WWOX: variants seen among roughly 807,000 people sequenced by gnomAD.
The protein encoded by WWOX is WW domain containing oxidoreductase, also known as WW domain-containing oxidoreductase.
Under a neutral mutation model 46.2 loss-of-function variants are expected in WWOX, and 69 were observed. That is an observed-to-expected ratio of 1.49 (90% CI 1.23 to 1.82). The LOEUF (loss-of-function observed/expected upper bound fraction) is 1.82. WWOX is among the 40% of genes most tolerant of loss of function. WWOX has a pLI of 0.00. For missense variants in WWOX, 919 were observed against 542.6 expected (o/e 1.69, Z -6.89); for synonymous variants, 359 against 202.6 (o/e 1.77, Z -6.56).
intron 8 of WWOX, among the ~76,000 whole-genome samples, chr16:78,568,938 T>C (rs528229955): frequency 5.3e-5 from 8 of 152,374 alleles, no homozygotes; most frequent in South Asian, 2.1e-4. Context: ...TGAGGTCTTA[T>C]TGTCCACTTC....
At chr16:78,939,845 C>T (rs1470322853) in intron 8 of WWOX, among the ~76,000 whole-genome samples, 1 of 152,118 alleles carries the variant, frequency 6.6e-6, no homozygotes, top group Non-Finnish European at 1.5e-5. Flanking sequence ...ATAGGTCTGG[C>T]GATCTTTTTG....
intron 8 of WWOX, among the ~76,000 whole-genome samples, chr16:78,590,052 A>G (rs2045314150): frequency 6.6e-6 from 1 of 152,200 alleles, no homozygotes; most frequent in Non-Finnish European, 1.5e-5. Context: ...CTAGGATTAT[A>G]GAAGTCAATA....
At chr16:78,286,077 T>C (rs2079761656) in intron 5 of WWOX, among the ~76,000 whole-genome samples, 2 of 152,224 alleles carry the variant, frequency 1.3e-5, no homozygotes, top group Non-Finnish European at 2.9e-5. Flanking sequence ...ATGGTATTAA[T>C]CCTTATTCAT....
intron 8 of WWOX, among the ~76,000 whole-genome samples, chr16:79,120,194 G>T (rs1214163190): frequency 6.6e-6 from 1 of 152,226 alleles, no homozygotes; most frequent in Non-Finnish European, 1.5e-5. Flanking sequence ...AGGGGGCTCA[G>T]TTGTTCCTCA....
chr16:78,941,789 A>C (rs1226764561), intron 8 of WWOX, among the ~76,000 whole-genome samples: 2 of 152,202 alleles, frequency 1.3e-5, no homozygotes, highest in Non-Finnish European at 2.9e-5. Flanking sequence ...ATAATCAAAT[A>C]AAAGAAGTAC....
chr16:78,775,172 C>T (rs556995332), intron 8 of WWOX, among the ~76,000 whole-genome samples: 7 of 152,272 alleles, frequency 4.6e-5, no homozygotes, highest in Non-Finnish European at 8.8e-5. Flanking sequence ...CTTTTGCCTG[C>T]CTGGCTCCTC....
intron 8 of WWOX, among the ~76,000 whole-genome samples, chr16:78,471,851 T>A (rs1224986169): frequency 6.6e-6 from 1 of 152,216 alleles, no homozygotes; most frequent in Admixed American, 6.5e-5. Context: ...AAATAAACTT[T>A]TACATTTTAA....
chr16:78,602,540 A>G (rs1459952863), intron 8 of WWOX, among the ~76,000 whole-genome samples: 2 of 152,154 alleles, frequency 1.3e-5, no homozygotes, highest in Non-Finnish European at 2.9e-5. Flanking sequence ...CCTCTTCTCG[A>G]TAGATCTTAT....
rs187477786 is a variant in WWOX, at chr16:78,639,063, T to C, written c.1056+206311T>C. ...ATGGGGGATGAACAGAAACACACTT[T>C]AGTGCTAGAAAAGCTGGGCCTAAAA... On this transcript the variant is annotated intron_variant, in intron 8 of 8. Coordinates refer to ENST00000566780, the MANE Select transcript of WWOX (RefSeq NM_016373.4). 3.8e-3 allele frequency among the ~76,000 whole-genome samples: 579 copies of C among 152,292 alleles called. 5 individuals are homozygous for C. The highest frequency in any genetic ancestry group is 4.5e-3 in the Non-Finnish European group (308 of 68,014).
At chr16:79,128,665 T>A (rs2049811795) in intron 8 of WWOX, among the ~76,000 whole-genome samples, 2 of 152,224 alleles carry the variant, frequency 1.3e-5, no homozygotes, top group Non-Finnish European at 2.9e-5. Context: ...AACTGAGGAA[T>A]TCTAATGTTT....
chr16:78,529,865 C>T (rs1302849700), intron 8 of WWOX, among the ~76,000 whole-genome samples: 1 of 152,194 alleles, frequency 6.6e-6, no homozygotes, highest in Admixed American at 6.5e-5. Flanking sequence ...GTAGAATGCA[C>T]TGAAGCAAAA....
rs2035702474 is a variant in WWOX at position 78,186,307 on chromosome 16, G to A, written c.516+22018G>A. Among the ~76,000 whole-genome samples the A allele has an allele frequency of 2.7e-5, 4 of 150,642 alleles. No homozygotes were observed. In the South Asian group the frequency reaches 8.4e-4, roughly 32 times the overall value. The stretch of plus-strand genomic sequence containing the variant: ...TGTAGGTGACCCTTTATTTTCATCA[G>A]ACATTGCCGACCTAGAGGGTAACCA... On this transcript the variant is annotated intron_variant, in intron 5 of 8. Transcript: ENST00000566780.
intron 8 of WWOX, among the ~76,000 whole-genome samples, chr16:78,914,115 A>C (rs1037868964): frequency 2.6e-5 from 4 of 152,108 alleles, no homozygotes; most frequent in African/African-American, 9.6e-5. Flanking sequence ...ATCACCTCAC[A>C]GGAGTCTTTC....
intron 8 of WWOX, among the ~76,000 whole-genome samples, chr16:78,704,652 G>T (rs1430422084): frequency 6.6e-6 from 1 of 152,102 alleles, no homozygotes. Context: ...TGCAGGAAGG[G>T]TATCTTTACT....
rs113703069 is a variant in WWOX at position 78,293,390 on chromosome 16, A to G, written c.517-93470A>G. ...AGTCCAGGCATCTTTAGAAACAGAAATGGTCCCTGCTCTTCTGTATCCCCT... is the reference window on the plus strand; with the variant it reads ...AGTCCAGGCATCTTTAGAAACAGAAGTGGTCCCTGCTCTTCTGTATCCCCT... On this transcript the variant is annotated intron_variant, in intron 5 of 8. Transcript: ENST00000566780. Among the ~76,000 whole-genome samples the G allele has an allele frequency of 5.9e-3, 894 of 152,216 alleles. 11 individuals are homozygous for G. The highest frequency in any genetic ancestry group is 0.021 in the African/African-American group (868 of 41,544).
chr16:79,076,302 G>T (rs765019710), intron 8 of WWOX, among the ~76,000 whole-genome samples: 1 of 152,176 alleles, frequency 6.6e-6, no homozygotes, highest in Non-Finnish European at 1.5e-5. Context: ...CTAGTATCTG[G>T]ATGACTTGAT....
intron 8 of WWOX, among the ~76,000 whole-genome samples, chr16:78,746,784 C>G (rs747414127): frequency 6.6e-6 from 1 of 151,996 alleles, no homozygotes; most frequent in Non-Finnish European, 1.5e-5. Flanking sequence ...TTCAGCAAAC[C>G]CAGTCAATAT....
chr16:78,272,449 C>G (rs774843194), intron 5 of WWOX, among the ~76,000 whole-genome samples: 2 of 152,176 alleles, frequency 1.3e-5, no homozygotes, highest in Non-Finnish European at 2.9e-5. Context: ...TTCTTATGGC[C>G]TGGCTTAGGG....
At chr16:78,498,521 T>A (rs2084976060) in intron 8 of WWOX, among the ~76,000 whole-genome samples, 1 of 151,458 alleles carries the variant, frequency 6.6e-6, no homozygotes, top group East Asian at 1.9e-4. Context: ...TGATGAGGAG[T>A]TGAAGGTGAC....
Sources: gnomAD v4.1 joint callset for allele counts (sites outside exome capture counted in the v4.1 genomes callset) on GRCh38, gnomAD v4.1.1 for gene constraint, MANE v1.5 for transcripts, NCBI Gene and HGNC (gene_info 2026-07-23, HGNC 2026-07-21) for gene names.